Variants in EVC2 observed in about 807,000 individuals in gnomAD.
EVC2 encodes EvC ciliary complex subunit 2, also known as limbin.
A neutral mutation model predicts 149.3 loss-of-function variants in EVC2; 148 were observed. The observed-to-expected ratio is 0.99, with a 90% CI of 0.87 to 1.14. The LOEUF (loss-of-function observed/expected upper bound fraction) is 1.14. Among genes scored for constraint, EVC2 ranks in the 50% most tolerant of loss-of-function variants. The pLI is 0.00. For synonymous variants in EVC2, 776 were observed against 649.9 expected, an observed-to-expected ratio of 1.19 and a Z score of -2.95; for missense variants, 1,854 against 1,627.3, an observed-to-expected ratio of 1.14 and a Z score of -2.40.
chr4:5,674,855 C>T (rs982431479), intron 7 of EVC2, among the ~76,000 whole-genome samples: 2 of 152,060 alleles, frequency 1.3e-5, no homozygotes, highest in African/African-American at 4.8e-5. Flanking sequence ...AAACTGGAGG[C>T]AGAAAGGATA....
At chr4:5,703,128 T>C (rs550381415) in intron 1 of EVC2, among the ~76,000 whole-genome samples, 53 of 152,340 alleles carry the variant, frequency 3.5e-4, no homozygotes, top group African/African-American at 1.1e-3. Context: ...AATTTTACCA[T>C]AGGCTAGTTA....
chr4:5,561,402 A>G (rs906612422), downstream of EVC2, among the ~76,000 whole-genome samples: 1 of 151,996 alleles, frequency 6.6e-6, no homozygotes, highest in African/African-American at 2.4e-5. Context: ...GGACCTTCTG[A>G]TGGATGGGAA....
intron 1 of EVC2, among the ~76,000 whole-genome samples, chr4:5,701,622 C>T (rs1721831797): frequency 6.6e-6 from 1 of 152,156 alleles, no homozygotes; most frequent in African/African-American, 2.4e-5. Flanking sequence ...TCATCCAGGC[C>T]CTCAGATGTT....
Position 5,613,198 on chromosome 4 carries a change from G to A in EVC2, c.2829+2224C>T, listed in dbSNP as rs1331609151. Among the ~76,000 whole-genome samples, 1 of 152,064 alleles carries A rather than the reference G, an allele frequency of 6.6e-6. No individual in the cohort carries two copies. The highest frequency in any genetic ancestry group is 1.5e-5 in the Non-Finnish European group (1 of 67,998). ...TTTGAGCAGGTTCCTCCACGGGGCT[G>A]CTCCCCCATCCACTGGCCATGACCC... On this transcript the variant is annotated intron_variant, in intron 16 of 21. Coordinates refer to ENST00000344408, the MANE Select transcript of EVC2 (RefSeq NM_147127.5). This position sits in a 1 kb window ranked among gnomAD's most constrained non-coding sequence, Gnocchi z 4.6.
intron 19 of EVC2, among the ~76,000 whole-genome samples, chr4:5,570,792 C>A (rs1321246418): frequency 6.6e-6 from 1 of 152,166 alleles, no homozygotes; most frequent in Non-Finnish European, 1.5e-5. Context: ...GGTATATATA[C>A]ACCATAGAAT....
chr4:5,658,624 C>T (rs1403554997), intron 9 of EVC2, among the ~76,000 whole-genome samples: 3 of 152,098 alleles, frequency 2.0e-5, no homozygotes, highest in South Asian at 2.1e-4. Context: ...TTTTGTCTTA[C>T]GTTCTTTGAC....
intron 21 of EVC2, among the ~76,000 whole-genome samples, chr4:5,551,950 C>A (rs531444794): frequency 1.1e-3 from 162 of 152,292 alleles, no homozygotes; most frequent in African/African-American, 3.7e-3. Flanking sequence ...ATTGTGAGGC[C>A]TCCCCAGTCA....
chr4:5,591,199 T>C (rs1223517247), intron 16 of EVC2, among the ~76,000 whole-genome samples: 3 of 152,150 alleles, frequency 2.0e-5, no homozygotes, highest in Admixed American at 6.5e-5. Context: ...TAAATATATA[T>C]ATTAAGCCAC....
intron 16 of EVC2, among the ~76,000 whole-genome samples, chr4:5,594,933 G>A (rs945003288): frequency 1.7e-4 from 26 of 152,282 alleles, no homozygotes; most frequent in Admixed American, 1.2e-3. Context: ...AGAAGCCTCC[G>A]GAGCCGATGC....
At chr4:5,556,474 T>C (rs553682952) in intron 21 of EVC2, among the ~76,000 whole-genome samples, 2 of 152,060 alleles carry the variant, frequency 1.3e-5, no homozygotes, top group Non-Finnish European at 2.9e-5. Context: ...ATTAAATGCA[T>C]ATATTAAAAA....
At chr4:5,592,688 G>A (rs1712922231) in intron 16 of EVC2, among the ~76,000 whole-genome samples, 1 of 152,240 alleles carries the variant, frequency 6.6e-6, no homozygotes, top group African/African-American at 2.4e-5. Flanking sequence ...AAATGGCAGA[G>A]TATAACTAGT....
chr4:5,662,487 ATATTAATATTAAATATAT>A (rs1331470393), intron 9 of EVC2, among the ~76,000 whole-genome samples: 3 of 106,716 alleles, frequency 2.8e-5, no homozygotes, highest in Admixed American at 2.6e-4. Flanking sequence ...ATTAAATATA[ATATTAATATTAAATATAT>A]TAAATATAAT....
Position 5,689,410 on chromosome 4 carries a change from G to A in EVC2, c.520-67C>T, listed in dbSNP as rs528450958. 1.5e-3 allele frequency: 2,332 copies of A among 1,537,510 alleles called. 4 individuals carry two copies. Among genetic ancestry groups the A allele is most frequent in the Admixed American group, 2.0e-3 (116 of 58,702 alleles). On this transcript the variant is annotated intron_variant, in intron 4 of 21. Transcript: ENST00000344408. Reference sequence around the variant, plus strand: ...AGTCCAGCTTCCTAAAATGGGGCATGAGCCCAGCCTGTGCACATTAGGCAT... The same window carrying A: ...AGTCCAGCTTCCTAAAATGGGGCATAAGCCCAGCCTGTGCACATTAGGCAT...
At chr4:5,603,112 A>G (rs182708937) in intron 16 of EVC2, among the ~76,000 whole-genome samples, 1 of 152,354 alleles carries the variant, frequency 6.6e-6, no homozygotes, top group East Asian at 1.9e-4. Context: ...AAGTTACTAA[A>G]TTAAAACCAT....
chr4:5,681,926 T>C (rs1402152779), intron 6 of EVC2, among the ~76,000 whole-genome samples: 1 of 152,156 alleles, frequency 6.6e-6, no homozygotes, highest in African/African-American at 2.4e-5. Context: ...AGGCTGTCTA[T>C]AGGGTGGTGG....
At position 5,614,808 on chromosome 4, in the gene EVC2, T is replaced by C. The variant is rs1715112960; in HGVS notation, c.2829+614A>G. ...ATCTGGCCAACATGGTGAAACCACA[T>C]GTCTACTAAAAATACAAAAATTAGC... On this transcript the variant is annotated intron_variant, in intron 16 of 21. Coordinates refer to ENST00000344408, the MANE Select transcript of EVC2 (RefSeq NM_147127.5). The surrounding 1 kb of genome is among the most constrained non-coding windows in gnomAD (Gnocchi z 4.7). Among the ~76,000 whole-genome samples the C allele has an allele frequency of 1.4e-5, 2 of 146,264 alleles. No homozygotes were observed. Among genetic ancestry groups the C allele is most frequent in the Non-Finnish European group, 3.0e-5 (2 of 67,370 alleles).
chr4:5,633,932 T>C lies in EVC2; in HGVS notation c.1471-1900A>G, dbSNP rs1298094155. Among the ~76,000 whole-genome samples the C allele has an allele frequency of 1.3e-5, 2 of 152,220 alleles. No individual in the cohort carries two copies. Among genetic ancestry groups the C allele is most frequent in the African/African-American group, 4.8e-5 (2 of 41,448 alleles). On this transcript the variant is annotated intron_variant, in intron 10 of 21. Coordinates refer to ENST00000344408, the MANE Select transcript of EVC2 (RefSeq NM_147127.5). The surrounding 1 kb of genome is among the most constrained non-coding windows in gnomAD (Gnocchi z 4.4). ...TCTCTAGCTTTCTCCGTCTCTCCAG[T>C]CCCTTTTACTTATTGTTTGATTTGT...
chr4:5,703,718 T>C (rs1011104345), intron 1 of EVC2, among the ~76,000 whole-genome samples: 1 of 152,184 alleles, frequency 6.6e-6, no homozygotes, highest in Non-Finnish European at 1.5e-5. Context: ...CTCAGAACAC[T>C]ATTTAGGAAA....
the EVC2 span, among the ~76,000 whole-genome samples, chr4:5,535,272 C>T: frequency 6.6e-6 from 1 of 152,162 alleles, no homozygotes; most frequent in Non-Finnish European, 1.5e-5. The surrounding 1 kb of genome is among the most constrained non-coding windows in gnomAD (Gnocchi z 4.7). Context: ...CTGAAAGTAA[C>T]CTCTGCCGTA....
Sources: gnomAD v4.1 joint callset for allele counts (sites outside exome capture counted in the v4.1 genomes callset) on GRCh38, gnomAD v4.1.1 for gene constraint, Gnocchi (gnomAD v3.1) non-coding constraint, MANE v1.5 for transcripts, NCBI Gene and HGNC (gene_info 2026-07-23, HGNC 2026-07-21) for gene names.